The following PTPRN2 variants were observed in gnomAD, a reference collection of about 807,000 sequenced individuals.
PTPRN2 encodes protein tyrosine phosphatase receptor type N2, also known as receptor-type tyrosine-protein phosphatase N2.
In PTPRN2, 74 loss-of-function variants were observed where a neutral mutation model predicts 118.8. The ratio of observed to expected loss-of-function variants is 0.62; its 90% confidence interval spans 0.52 to 0.76. The LOEUF is 0.76. Among genes scored for constraint, PTPRN2 ranks in the 30% least tolerant of loss-of-function variants. PTPRN2 has a pLI of 0.00. For missense variants in PTPRN2, 1,481 were observed against 1,394.4 expected (o/e 1.06, Z -0.99); for synonymous variants, 641 against 608.0 (o/e 1.05, Z -0.80).
intron 11 of PTPRN2, among the ~76,000 whole-genome samples, chr7:158,051,856 C>T (rs534103459): frequency 1.3e-5 from 2 of 152,356 alleles, no homozygotes; most frequent in East Asian, 3.9e-4. Flanking sequence ...CTGTAAACAG[C>T]TTTGCAGGCT....
chr7:158,315,734 T>G (rs1226749265), intron 3 of PTPRN2, among the ~76,000 whole-genome samples: 6 of 152,244 alleles, frequency 3.9e-5, no homozygotes, highest in Non-Finnish European at 8.8e-5. Flanking sequence ...TTGGAAACAT[T>G]GTTGACAAGG....
At chr7:158,430,677 G>A (rs1490670991) in intron 2 of PTPRN2, among the ~76,000 whole-genome samples, 3 of 152,256 alleles carry the variant, frequency 2.0e-5, no homozygotes, top group Admixed American at 6.5e-5. Context: ...GGTGCCTTGT[G>A]GGGCCGACAC....
chr7:158,331,533 T>C (rs1804444407), intron 2 of PTPRN2, among the ~76,000 whole-genome samples: 1 of 142,080 alleles, frequency 7.0e-6, no homozygotes, highest in Non-Finnish European at 1.5e-5. Flanking sequence ...ACACCCACAC[T>C]GTCACCATAA....
At chr7:157,599,147 T>A (rs1585087506) in intron 16 of PTPRN2, among the ~76,000 whole-genome samples, 3 of 152,176 alleles carry the variant, frequency 2.0e-5, no homozygotes, top group African/African-American at 7.2e-5. Flanking sequence ...GTGGCTGGGA[T>A]TACAGGCGTG....
chr7:157,979,752 G>T (rs1273591632), intron 11 of PTPRN2, among the ~76,000 whole-genome samples: 1 of 152,228 alleles, frequency 6.6e-6, no homozygotes, highest in African/African-American at 2.4e-5. Context: ...GGTCCTTGGA[G>T]GTATGGGCTG....
At chr7:157,624,135 T>C (rs1355621813) in intron 14 of PTPRN2, among the ~76,000 whole-genome samples, 1 of 152,174 alleles carries the variant, frequency 6.6e-6, no homozygotes, top group Non-Finnish European at 1.5e-5. Flanking sequence ...TGAAAGTGCA[T>C]TGAGGCCGGG....
At chr7:157,930,469 A>G (rs1799290209) in intron 11 of PTPRN2, among the ~76,000 whole-genome samples, 2 of 152,184 alleles carry the variant, frequency 1.3e-5, no homozygotes, top group South Asian at 4.1e-4. Flanking sequence ...AGGTTTCTGC[A>G]CTGGCACCAG....
In PTPRN2 at chr7:157,598,146, T is replaced by C. The variant is rs2150571298; in HGVS notation, c.2419-2831A>G. ...TTTCTACTAACATTGCTTTTTCCAA[T>C]GAGGGCATCTGCGTGACAACCGGAC... is the stretch of plus-strand genomic sequence containing the variant. On this transcript the variant is annotated intron_variant, in intron 16 of 22. Transcript: ENST00000389418. This position sits in a 1 kb window ranked among gnomAD's most constrained non-coding sequence, Gnocchi z 5.2. 6.6e-6 allele frequency among the ~76,000 whole-genome samples: 1 copy of C among 152,360 alleles called. No individual in the cohort carries two copies. Among genetic ancestry groups the C allele is most frequent in the South Asian group, 2.1e-4 (1 of 4,824 alleles).
intron 2 of PTPRN2, among the ~76,000 whole-genome samples, chr7:158,332,677 C>T (rs1366974283): frequency 3.4e-5 from 5 of 147,628 alleles, no homozygotes; most frequent in Non-Finnish European, 5.9e-5. Context: ...TCACTCACAC[C>T]CACACTCTAA....
chr7:158,334,618 C>G (rs566588345), intron 2 of PTPRN2, among the ~76,000 whole-genome samples: 190 of 101,458 alleles, frequency 1.9e-3, no homozygotes, highest in African/African-American at 6.6e-3. Context: ...GAGCCGACGC[C>G]CGCAGACGTC....
At chr7:158,146,739 A>C (rs1278763641) in intron 6 of PTPRN2, among the ~76,000 whole-genome samples, 1 of 151,590 alleles carries the variant, frequency 6.6e-6, no homozygotes, top group Non-Finnish European at 1.5e-5. Flanking sequence ...AAAAAAAGAA[A>C]GAAAAAAGAA....
intron 21 of PTPRN2, among the ~76,000 whole-genome samples, chr7:157,565,068 G>A (rs564463501): frequency 1.6e-3 from 241 of 152,300 alleles, no homozygotes; most frequent in Admixed American, 2.8e-3. Context: ...GCGCAGACGC[G>A]GTATCACTCC....
chr7:158,120,537 C>A lies in PTPRN2; in HGVS notation c.1557-9622G>T, dbSNP rs1470567281. ...AGTTCCTGCTGGATCCCTGGCAAAG[C>A]TCCTTTCTGCTCCCTGTCTCCAAGG... On this transcript the variant is annotated intron_variant, in intron 9 of 22. Coordinates refer to ENST00000389418, the MANE Select transcript of PTPRN2 (RefSeq NM_002847.5). Among the ~76,000 whole-genome samples the A allele has an allele frequency of 4.6e-5, 7 of 152,194 alleles. No individual in the cohort carries two copies. In the East Asian group the frequency reaches 1.2e-3, roughly 25 times the overall value.
At chr7:158,132,181 T>TAC (rs200883212) in intron 9 of PTPRN2, among the ~76,000 whole-genome samples, 2 of 148,114 alleles carry the variant, frequency 1.4e-5, no homozygotes, top group Non-Finnish European at 3.0e-5. Context: ...CACACACATA[T>TAC]ACACACACAC....
At chr7:158,346,320 A>C (rs2151252834) in intron 2 of PTPRN2, among the ~76,000 whole-genome samples, 1 of 152,248 alleles carries the variant, frequency 6.6e-6, no homozygotes, top group South Asian at 2.1e-4. Context: ...TGGCGACCTC[A>C]GTTCTACTCT....
intron 11 of PTPRN2, among the ~76,000 whole-genome samples, chr7:157,972,176 G>A (rs1409275156): frequency 6.6e-6 from 1 of 152,182 alleles, no homozygotes; most frequent in Non-Finnish European, 1.5e-5. Context: ...AGTGTAAAAG[G>A]CGTTCACTAG....
chr7:157,793,063 G>A lies in PTPRN2; in HGVS notation c.1788+105610C>T, dbSNP rs76321521. ...TAAGGCTTTTTTTCAGAATTAATGGGACCCCTCTACAATGCGCTGTGCCCG... is the reference window on the plus strand; with the variant it reads ...TAAGGCTTTTTTTCAGAATTAATGGAACCCCTCTACAATGCGCTGTGCCCG... On this transcript the variant is annotated intron_variant, in intron 12 of 22. Coordinates refer to ENST00000389418, the MANE Select transcript of PTPRN2 (RefSeq NM_002847.5). Among the ~76,000 whole-genome samples the A allele has an allele frequency of 5.4e-3, 821 of 152,056 alleles. 4 individuals are homozygous for A. Among genetic ancestry groups the A allele is most frequent in the African/African-American group, 0.019 (785 of 41,472 alleles).
rs190968821 is a variant in PTPRN2, at chr7:158,559,774, C to T, written c.112+27784G>A. On this transcript the variant is annotated intron_variant, in intron 1 of 22. Transcript: ENST00000389418. ...CTTGGTCCCAGGGACCCTGGAAGGC[C>T]TGGAGCAAAGAAGGTCATCTGAGAG... Among the ~76,000 whole-genome samples the T allele has an allele frequency of 9.3e-4, 142 of 152,292 alleles. 1 individual carries two copies. Among genetic ancestry groups the T allele is most frequent in the African/African-American group, 3.2e-3 (131 of 41,546 alleles).
chr7:157,636,896 AC>A (rs1804353916), intron 14 of PTPRN2, among the ~76,000 whole-genome samples: 1 of 152,252 alleles, frequency 6.6e-6, no homozygotes, highest in African/African-American at 2.4e-5. Flanking sequence ...TAACACAGAA[AC>A]CAATGCTAAC....
Sources: gnomAD v4.1 joint callset for allele counts (sites outside exome capture counted in the v4.1 genomes callset) on GRCh38, gnomAD v4.1.1 for gene constraint, Gnocchi (gnomAD v3.1) non-coding constraint, MANE v1.5 for transcripts, NCBI Gene and HGNC (gene_info 2026-07-23, HGNC 2026-07-21) for gene names.